PDE1C: variants seen among roughly 807,000 people sequenced by gnomAD.
PDE1C encodes the protein dual specificity calcium/calmodulin-dependent 3',5'-cyclic nucleotide phosphodiesterase 1C.
PDE1C carries 62 observed loss-of-function variants against 93.1 expected under a neutral mutation model. The ratio of observed to expected loss-of-function variants is 0.67; its 90% CI spans 0.54 to 0.82. The LOEUF is 0.82. Ranked by LOEUF, PDE1C falls within the 40% of genes least tolerant of loss-of-function variation. The pLI is 0.00. For synonymous variants in PDE1C, 325 were observed against 310.1 expected, an observed-to-expected ratio of 1.05 and a Z score of -0.50; for missense variants, 742 against 884.6, an observed-to-expected ratio of 0.84 and a Z score of 2.04.
chr7:31,643,542 G>A, the PDE1C span: 1 of 1,614,036 alleles, frequency 6.2e-7, no homozygotes, highest in Non-Finnish European at 8.5e-7. Flanking sequence ...AGAGGGCTGT[G>A]GCCTTGGGGA....
the PDE1C span, among the ~76,000 whole-genome samples, chr7:31,627,227 T>C: frequency 6.6e-6 from 1 of 152,310 alleles, no homozygotes; most frequent in East Asian, 1.9e-4. Flanking sequence ...CAGTAAATGA[T>C]TGTTACATGA....
chr7:31,653,653 A>C, the PDE1C span: 3 of 152,228 alleles, frequency 2.0e-5, no homozygotes, highest in African/African-American at 7.2e-5. Context: ...TCTCATTTAG[A>C]AATAAAATGG....
intron 1 of PDE1C, among the ~76,000 whole-genome samples, chr7:32,363,213 T>A (rs983206623): frequency 6.6e-6 from 1 of 152,226 alleles, no homozygotes; most frequent in South Asian, 2.1e-4. Flanking sequence ...GGGAACATCC[T>A]AGAACAAGCC....
intron 2 of PDE1C, among the ~76,000 whole-genome samples, chr7:31,897,500 C>T (rs1799457242): frequency 6.6e-6 from 1 of 152,198 alleles, no homozygotes. Flanking sequence ...GGCATTATTA[C>T]ATTATGAACC....
intron 1 of PDE1C, among the ~76,000 whole-genome samples, chr7:32,414,155 G>C (rs1458489986): frequency 6.6e-6 from 1 of 151,550 alleles, no homozygotes; most frequent in African/African-American, 2.4e-5. Flanking sequence ...TGAGGCTGCA[G>C]TGAGCTCTGA....
At chr7:31,967,405 A>G (rs1312857170) in intron 2 of PDE1C, among the ~76,000 whole-genome samples, 1 of 152,184 alleles carries the variant, frequency 6.6e-6, no homozygotes, top group Non-Finnish European at 1.5e-5. Context: ...CCAAGACTAA[A>G]CCAGGAAGAA....
chr7:32,246,296 T>A (rs549705664), intron 1 of PDE1C, among the ~76,000 whole-genome samples: 1 of 152,218 alleles, frequency 6.6e-6, no homozygotes, highest in East Asian at 1.9e-4. Context: ...TGAGGGGCCA[T>A]AAACATGCAG....
chr7:31,999,440 A>G (rs112742338), intron 2 of PDE1C, among the ~76,000 whole-genome samples: 2,311 of 152,296 alleles, frequency 0.015, 55 homozygotes, highest in African/African-American at 0.051. Context: ...AGCCAGGGTA[A>G]GGGCAGGGGA....
At chr7:31,764,173 C>CGG (rs1275028658) in intron 17 of PDE1C, among the ~76,000 whole-genome samples, 22 of 152,112 alleles carry the variant, frequency 1.4e-4, no homozygotes, top group Non-Finnish European at 2.1e-4. Context: ...GTTTTTAAGA[C>CGG]GGAGTCTTGA....
At position 32,195,929 on chromosome 7, in the gene PDE1C, A is replaced by G. The variant is rs554843834; in HGVS notation, c.136+13560T>C. ...AGGGGTGAGAGTTTCAGCTCCCCAC[A>G]TGGTCTCTACTGACACTGTGTATGG... On this transcript the variant is annotated intron_variant, in intron 2 of 18. Transcript: ENST00000396193. Among the ~76,000 whole-genome samples the G allele has an allele frequency of 5.3e-5, 8 of 152,196 alleles. No individual in the cohort carries two copies. In the South Asian group the frequency reaches 1.5e-3, roughly 28 times the overall value.
chr7:31,711,581 C>T, the PDE1C span, among the ~76,000 whole-genome samples: 11 of 152,100 alleles, frequency 7.2e-5, no homozygotes, highest in African/African-American at 2.7e-4. Flanking sequence ...TATACAAGTG[C>T]TTTCTGATGG....
the PDE1C span, chr7:31,692,386 T>G: frequency 1.4e-6 from 2 of 1,392,934 alleles, no homozygotes; most frequent in Non-Finnish European, 1.0e-6. Context: ...ACTTATTAAC[T>G]GTTTTTTATA....
At chr7:32,186,144 C>T (rs936164361) in intron 2 of PDE1C, among the ~76,000 whole-genome samples, 3 of 146,644 alleles carry the variant, frequency 2.0e-5, no homozygotes, top group African/African-American at 7.5e-5. Context: ...CGCCCAGGCC[C>T]GACTGCGGAC....
chr7:32,150,018 G>T (rs1801142386), intron 3 of PDE1C, among the ~76,000 whole-genome samples: 1 of 152,076 alleles, frequency 6.6e-6, no homozygotes, highest in Non-Finnish European at 1.5e-5. Flanking sequence ...TAAGTTCCTG[G>T]GTGGGTCAAG....
chr7:32,143,073 A>C (rs1028937697), intron 3 of PDE1C, among the ~76,000 whole-genome samples: 1 of 151,936 alleles, frequency 6.6e-6, no homozygotes, highest in East Asian at 1.9e-4. Flanking sequence ...CCGTAAGAGA[A>C]CTACAAAGAC....
rs1805863648 is a variant in PDE1C at position 32,209,686 on chromosome 7, C to T, written c.86-147G>A. On this transcript the variant is annotated intron_variant, in intron 1 of 18. Transcript: ENST00000396193. ...TGAATAAAAGCAACTTTACTCCCTC[C>T]GTGTCTGTATTTCCAAGGCTGCCCT... 1.1e-5 allele frequency: 7 copies of T among 636,112 alleles called. No homozygotes were observed. In the Admixed American group the frequency reaches 1.5e-4, roughly 14 times the overall value. The allele number at this position is 636,112 out of a possible 1,614,324, so 39.4% of individuals were successfully genotyped here. A position where few individuals can be genotyped will look rare whatever the true frequency, so the allele number is the denominator to read the frequency against.
At chr7:31,979,534 G>C (rs1403587311) in intron 2 of PDE1C, among the ~76,000 whole-genome samples, 2 of 152,122 alleles carry the variant, frequency 1.3e-5, no homozygotes, top group African/African-American at 4.8e-5. Context: ...CAGCCACAGG[G>C]AGGGGTAAAG....
rs1173641180 is a variant in PDE1C, at chr7:32,079,191, A to G, written c.308+90594T>C. Reference sequence around the variant, plus strand: ...AAATTCATTCATTCGTTCAACAAACATTGGCTGAGTGCCTACTATGTGCTG... The same window carrying G: ...AAATTCATTCATTCGTTCAACAAACGTTGGCTGAGTGCCTACTATGTGCTG... On this transcript the variant is annotated intron_variant, in intron 3 of 18. Transcript: ENST00000396193. Among the ~76,000 whole-genome samples, 11 of 152,368 alleles carry G rather than the reference A, an allele frequency of 7.2e-5. No homozygotes were observed. The East Asian group carries it at 1.9e-3, about 27-fold the overall frequency.
chr7:32,123,206 T>A (rs1323491176), intron 3 of PDE1C, among the ~76,000 whole-genome samples: 1 of 151,946 alleles, frequency 6.6e-6, no homozygotes, highest in Non-Finnish European at 1.5e-5. Context: ...GTTCCAAAAT[T>A]GAGGGAGTCA....
Sources: allele counts gnomAD v4.1 joint callset (sites outside exome capture counted in the v4.1 genomes callset), GRCh38; gene constraint gnomAD v4.1.1; transcripts MANE v1.5; gene names NCBI Gene and HGNC (gene_info 2026-07-23, HGNC 2026-07-21).